The following CCDC3 variants were observed in gnomAD, a reference collection of about 807,000 sequenced individuals.
The protein encoded by CCDC3 is coiled-coil domain-containing protein 3.
CCDC3 carries 24 observed loss-of-function variants against 21.4 expected under a neutral mutation model. The ratio of observed to expected loss-of-function variants is 1.12; its 90% CI spans 0.81 to 1.58. The LOEUF (loss-of-function observed/expected upper bound fraction) is 1.58, where lower values mean the gene tolerates loss of function less well. Ranked by LOEUF, CCDC3 falls within the 40% of genes most tolerant of loss-of-function variation. CCDC3 has a pLI of 0.00. For synonymous variants in CCDC3, 186 were observed against 166.0 expected, an observed-to-expected ratio of 1.12 and a Z score of -0.93; for missense variants, 425 against 360.9, an observed-to-expected ratio of 1.18 and a Z score of -1.44.
intron 2 of CCDC3, among the ~76,000 whole-genome samples, chr10:12,949,518 C>A (rs139807058): frequency 1.6e-4 from 24 of 152,268 alleles, no homozygotes; most frequent in Admixed American, 9.8e-4. Context: ...CCAGCCTGGA[C>A]TTCACACAAG....
intron 3 of CCDC3, among the ~76,000 whole-genome samples, chr10:13,081,154 A>G (rs1374134087): frequency 7.1e-6 from 1 of 141,728 alleles, no homozygotes; most frequent in Admixed American, 7.2e-5. Flanking sequence ...GACACTAGGA[A>G]CTATAAAGTA....
intron 2 of CCDC3, among the ~76,000 whole-genome samples, chr10:12,990,203 G>C (rs1260701895): frequency 6.7e-6 from 1 of 148,776 alleles, no homozygotes; most frequent in Non-Finnish European, 1.5e-5. Context: ...CTTGCAGTGA[G>C]CCAAGATAGC....
chr10:13,075,789 C>G (rs1314975733), intron 3 of CCDC3, among the ~76,000 whole-genome samples: 1 of 152,148 alleles, frequency 6.6e-6, no homozygotes, highest in African/African-American at 2.4e-5. Flanking sequence ...GGCTCCACAC[C>G]TGTAATCCCA....
chr10:12,941,132 G>C (rs7083713), intron 2 of CCDC3, among the ~76,000 whole-genome samples: 19,754 of 152,192 alleles, frequency 0.13, 1,360 homozygotes, highest in African/African-American at 0.19. Flanking sequence ...GATAAAACAG[G>C]TTGCAGTAAA....
intron 3 of CCDC3, among the ~76,000 whole-genome samples, chr10:13,087,502 G>A (rs554854575): frequency 9.2e-5 from 14 of 151,948 alleles, no homozygotes; most frequent in Non-Finnish European, 1.9e-4. Context: ...TCTTAGCAGT[G>A]CACCTTATAA....
chr10:12,926,074 G>A (rs1834532080), intron 2 of CCDC3, among the ~76,000 whole-genome samples: 1 of 152,248 alleles, frequency 6.6e-6, no homozygotes, highest in African/African-American at 2.4e-5. Context: ...CAGCTGGCAG[G>A]AGCGCAGGAC....
At chr10:12,922,441 AG>A (rs1834467346) in intron 2 of CCDC3, among the ~76,000 whole-genome samples, 2 of 152,156 alleles carry the variant, frequency 1.3e-5, no homozygotes, top group South Asian at 4.1e-4. Flanking sequence ...CTCCCTCAGC[AG>A]TTGACCCAAC....
chr10:13,073,307 C>T (rs1300305203), intron 4 of CCDC3, among the ~76,000 whole-genome samples: 4 of 152,172 alleles, frequency 2.6e-5, no homozygotes, highest in African/African-American at 7.2e-5. Flanking sequence ...CTCAAGAATG[C>T]TGTCTTTTGG....
intron 2 of CCDC3, chr10:13,098,724 T>TTTTTTTTTTTG: frequency 7.5e-6 from 1 of 133,206 alleles, no homozygotes; most frequent in Non-Finnish European, 1.6e-5. Flanking sequence ...TTTTTTTTTT[T>TTTTTTTTTTTG]TTTTTTTTTT....
chr10:13,063,139 G>C (rs937011554), intron 4 of CCDC3, among the ~76,000 whole-genome samples: 1 of 115,212 alleles, frequency 8.7e-6, no homozygotes, highest in Non-Finnish European at 1.8e-5. Context: ...TTTGCTCCCC[G>C]AATGTTCGGG....
intron 2 of CCDC3, among the ~76,000 whole-genome samples, chr10:12,910,477 A>G (rs1394276092): frequency 2.0e-5 from 3 of 152,068 alleles, no homozygotes; most frequent in South Asian, 2.1e-4. Context: ...GAAAACCTAT[A>G]AACAACAGAT....
intron 2 of CCDC3, among the ~76,000 whole-genome samples, chr10:12,908,091 A>G (rs1432386834): frequency 1.3e-5 from 2 of 152,218 alleles, no homozygotes; most frequent in African/African-American, 4.8e-5. Context: ...CATCAGAGGA[A>G]AGGGGAGTTT....
At chr10:12,945,602 C>CTG (rs1053504131) in intron 2 of CCDC3, among the ~76,000 whole-genome samples, 8 of 152,138 alleles carry the variant, frequency 5.3e-5, no homozygotes, top group Non-Finnish European at 8.8e-5. Flanking sequence ...ATGTGGTCCT[C>CTG]TGTGTTAAAA....
intron 4 of CCDC3, among the ~76,000 whole-genome samples, chr10:13,066,163 A>AT (rs537714732): frequency 0.21 from 30,625 of 147,752 alleles, 3,509 homozygotes; most frequent in East Asian, 0.29. Context: ...ACCCTAGGTG[A>AT]TTTTTTTTTT....
At chr10:12,971,003 C>G (rs1835334191) in intron 2 of CCDC3, among the ~76,000 whole-genome samples, 1 of 152,154 alleles carries the variant, frequency 6.6e-6, no homozygotes, top group African/African-American at 2.4e-5. Flanking sequence ...TTTTTTAAAT[C>G]TGGAATCTAT....
intron 3 of CCDC3, among the ~76,000 whole-genome samples, chr10:13,080,803 G>C (rs977099989): frequency 6.6e-6 from 1 of 152,250 alleles, no homozygotes; most frequent in African/African-American, 2.4e-5. Flanking sequence ...GAGGGGGCCA[G>C]GCAGTTGTTA....
intron 5 of CCDC3, among the ~76,000 whole-genome samples, chr10:13,012,337 C>G (rs1835994263): frequency 6.6e-6 from 1 of 152,010 alleles, no homozygotes; most frequent in African/African-American, 2.4e-5. Context: ...GAACTTTAAA[C>G]CTACAAGCAA....
chr10:13,032,213 G>A (rs12268397), intron 5 of CCDC3, among the ~76,000 whole-genome samples: 39,851 of 151,948 alleles, frequency 0.26, 6,193 homozygotes, highest in Non-Finnish European at 0.35. Flanking sequence ...AACATAATCC[G>A]TCACATAAAC....
At chr10:12,970,472 A>T (rs1835324664) in intron 2 of CCDC3, among the ~76,000 whole-genome samples, 1 of 152,250 alleles carries the variant, frequency 6.6e-6, no homozygotes, top group Admixed American at 6.5e-5. Context: ...TAAGTTTGTG[A>T]GGTAGTATAC....
Sources: allele counts gnomAD v4.1 joint callset (sites outside exome capture counted in the v4.1 genomes callset), GRCh38; gene constraint gnomAD v4.1.1; transcripts MANE v1.5; gene names NCBI Gene and HGNC (gene_info 2026-07-23, HGNC 2026-07-21).